HIVEP3: variants seen among roughly 807,000 people sequenced by gnomAD.
HIVEP3 encodes transcription factor HIVEP3.
In HIVEP3, 49 loss-of-function variants were observed where a neutral mutation model predicts 152.8. The observed-to-expected ratio is 0.32, with a 90% CI of 0.26 to 0.41. The LOEUF (loss-of-function observed/expected upper bound fraction) is 0.41, where lower values mean the gene tolerates loss of function less well. Ranked by LOEUF, HIVEP3 falls within the 10% of genes least tolerant of loss-of-function variation. The probability of loss-of-function intolerance (pLI) is 1.00; values close to 1 mark genes in which losing one functional copy is unlikely to be tolerated. For synonymous variants in HIVEP3, 1,269 were observed against 1,289.0 expected (o/e 0.98, Z 0.33); for missense variants, 2,790 against 3,103.3 (o/e 0.90, Z 2.40).
intron 1 of HIVEP3, among the ~76,000 whole-genome samples, chr1:42,004,172 A>G (rs1029121661): frequency 7.2e-5 from 11 of 152,210 alleles, no homozygotes; most frequent in African/African-American, 2.7e-4. Context: ...AGAGGAAAAC[A>G]AATCAAGGAA....
intron 1 of HIVEP3, among the ~76,000 whole-genome samples, chr1:41,971,065 T>C (rs563254642): frequency 1.5e-4 from 23 of 152,356 alleles, no homozygotes; most frequent in African/African-American, 5.3e-4. Flanking sequence ...AAAACATTAG[T>C]GTTTTACTAG....
intron 1 of HIVEP3, among the ~76,000 whole-genome samples, chr1:41,906,065 T>C (rs1041576133): frequency 2.0e-5 from 3 of 152,168 alleles, no homozygotes; most frequent in Non-Finnish European, 4.4e-5. Flanking sequence ...ATCCCAGCAC[T>C]TTAGGAGGCC....
intron 5 of HIVEP3, among the ~76,000 whole-genome samples, chr1:41,574,194 C>T (rs974296618): frequency 6.6e-6 from 1 of 152,192 alleles, no homozygotes; most frequent in Middle Eastern, 3.4e-3. Context: ...GAGGGCCAGT[C>T]GCTGTGAGCA....
chr1:41,625,732 A>G (rs78204955), intron 3 of HIVEP3, among the ~76,000 whole-genome samples: 165 of 152,306 alleles, frequency 1.1e-3, no homozygotes, highest in African/African-American at 3.5e-3. Flanking sequence ...AAGACAGTAT[A>G]TATCAAAAAT....
rs867717726 is a variant in HIVEP3, at chr1:41,579,684, C to T, written c.5061+53G>A. ...TGAGGATACTGTGGCTTTAAAAGCT[C>T]GCCAAGTGCTTTTGCAAATCAGTGA... On this transcript the variant is annotated intron_variant, in intron 4 of 8. Transcript: ENST00000372583. 90 of 1,509,698 alleles carry T rather than the reference C, an allele frequency of 6.0e-5. No individual in the cohort carries two copies. In the Middle Eastern group the frequency reaches 2.5e-3, roughly 42 times the overall value. The allele number at this position is 1,509,698 out of a possible 1,614,324, so 93.5% of individuals were successfully genotyped here.
chr1:41,893,891 CATAT>C (rs976288089), intron 1 of HIVEP3, among the ~76,000 whole-genome samples: 6 of 145,168 alleles, frequency 4.1e-5, no homozygotes, highest in African/African-American at 1.5e-4. Flanking sequence ...TATGAATATG[CATAT>C]ATAATATTTA....
chr1:41,818,379 T>C (rs1351859113), intron 1 of HIVEP3, among the ~76,000 whole-genome samples: 1 of 152,204 alleles, frequency 6.6e-6, no homozygotes, highest in East Asian at 1.9e-4. Flanking sequence ...GATTCAGCCG[T>C]TCTGGAAAAC....
At position 41,881,287 on chromosome 1, in the gene HIVEP3, G is replaced by A. The variant is rs541337481; in HGVS notation, c.-801+37126C>T. Among the ~76,000 whole-genome samples, 4 of 152,310 alleles carry A rather than the reference G, an allele frequency of 2.6e-5. 1 individual carries two copies. The highest frequency in any genetic ancestry group is 9.6e-5 in the African/African-American group (4 of 41,566). ...TTATATCTTCACAACAATGATGAGA[G>A]GTGGGTATCAGCACAATGCCCCCTT... On this transcript the variant is annotated intron_variant, in intron 1 of 8. Transcript: ENST00000372583.
intron 3 of HIVEP3, among the ~76,000 whole-genome samples, chr1:41,598,312 T>G (rs991014678): frequency 1.3e-5 from 2 of 152,194 alleles, no homozygotes; most frequent in Non-Finnish European, 2.9e-5. Context: ...TCTATACACG[T>G]GACTGTGGCA....
At chr1:41,927,176 G>A (rs1040188001) in intron 1 of HIVEP3, among the ~76,000 whole-genome samples, 17 of 152,354 alleles carry the variant, frequency 1.1e-4, no homozygotes, top group Admixed American at 2.0e-4. Context: ...GGAGTGTGGT[G>A]TAGCACAAAT....
At chr1:41,838,493 G>A (rs1427804299) in intron 1 of HIVEP3, among the ~76,000 whole-genome samples, 3 of 152,016 alleles carry the variant, frequency 2.0e-5, no homozygotes, top group South Asian at 4.1e-4. Flanking sequence ...GCTTGTGGTC[G>A]GCCTCGGATC....
At chr1:41,559,387 C>A (rs573461095) in intron 5 of HIVEP3, among the ~76,000 whole-genome samples, 8 of 152,342 alleles carry the variant, frequency 5.3e-5, no homozygotes, top group African/African-American at 1.9e-4. Context: ...ACGTCCATTT[C>A]CCCTGAATTC....
At chr1:41,613,176 C>T (rs552218212) in intron 3 of HIVEP3, among the ~76,000 whole-genome samples, 8 of 152,360 alleles carry the variant, frequency 5.3e-5, no homozygotes, top group African/African-American at 9.6e-5. Flanking sequence ...TGACAAGCTG[C>T]GTCCTCTCCA....
intron 1 of HIVEP3, among the ~76,000 whole-genome samples, chr1:42,006,216 T>C (rs1232633064): frequency 6.6e-6 from 1 of 151,972 alleles, no homozygotes; most frequent in Non-Finnish European, 1.5e-5. Context: ...TCAGTGTGCA[T>C]GTGTTGCATG....
intron 1 of HIVEP3, among the ~76,000 whole-genome samples, chr1:41,712,924 C>A (rs570036389): frequency 2.0e-5 from 3 of 152,328 alleles, no homozygotes; most frequent in African/African-American, 7.2e-5. Context: ...GATCCTTGGC[C>A]TCCTGACACA....
At chr1:41,671,770 C>T (rs61773710) in intron 2 of HIVEP3, among the ~76,000 whole-genome samples, 2,827 of 152,226 alleles carry the variant, frequency 0.019, 44 homozygotes, top group Non-Finnish European at 0.028. Context: ...TAGGAGAGCA[C>T]AAAGGAAGGA....
At chr1:41,893,307 T>G (rs1172338821) in intron 1 of HIVEP3, among the ~76,000 whole-genome samples, 1 of 152,126 alleles carries the variant, frequency 6.6e-6, no homozygotes, top group African/African-American at 2.4e-5. Context: ...CTCTGAACCC[T>G]GGAACTGAGA....
At chr1:41,906,778 T>A (rs1214096430) in intron 1 of HIVEP3, among the ~76,000 whole-genome samples, 2 of 152,014 alleles carry the variant, frequency 1.3e-5, no homozygotes, top group African/African-American at 4.8e-5. Flanking sequence ...ACGGTGAGAG[T>A]TACATACGTT....
At chr1:41,610,706 G>T (rs1644885078) in intron 3 of HIVEP3, among the ~76,000 whole-genome samples, 1 of 152,182 alleles carries the variant, frequency 6.6e-6, no homozygotes, top group Non-Finnish European at 1.5e-5. Flanking sequence ...AGGGAGCCCG[G>T]TTTAATTCAA....
Sources: gnomAD v4.1 joint callset for allele counts (sites outside exome capture counted in the v4.1 genomes callset) on GRCh38, gnomAD v4.1.1 for gene constraint, MANE v1.5 for transcripts, NCBI Gene and HGNC (gene_info 2026-07-23, HGNC 2026-07-21) for gene names.